The following TOX2 variants were observed in gnomAD, a reference collection of about 807,000 sequenced individuals.
TOX2 encodes TOX high mobility group box family member 2, also known as granulosa cell HMG box 1.
In TOX2, 15 loss-of-function variants were observed where a neutral mutation model predicts 47.4. The ratio of observed to expected loss-of-function variants is 0.32; its 90% CI spans 0.21 to 0.49. The LOEUF is 0.49. TOX2 is among the 20% of genes least tolerant of loss of function. The probability of loss-of-function intolerance (pLI) is 0.99; values close to 1 mark genes in which losing one functional copy is unlikely to be tolerated. For synonymous variants in TOX2, 290 were observed against 296.6 expected, an observed-to-expected ratio of 0.98 and a Z score of 0.23; for missense variants, 622 against 673.1, an observed-to-expected ratio of 0.92 and a Z score of 0.84.
At chr20:44,019,110 GAAA>G (rs754600323) in intron 3 of TOX2, among the ~76,000 whole-genome samples, 1,783 of 152,096 alleles carry the variant, frequency 0.012, 36 homozygotes, top group African/African-American at 0.041. Flanking sequence ...CTGACTGACT[GAAA>G]AATGAATGAA....
At chr20:44,064,344 G>A (rs1271104337) in intron 5 of TOX2, among the ~76,000 whole-genome samples, 1 of 152,100 alleles carries the variant, frequency 6.6e-6, no homozygotes, top group Non-Finnish European at 1.5e-5. Context: ...ATGAACCTAG[G>A]TCTAAAATTT....
intron 1 of TOX2, among the ~76,000 whole-genome samples, chr20:43,959,023 C>G (rs2069714321): frequency 6.6e-6 from 1 of 152,236 alleles, no homozygotes; most frequent in Non-Finnish European, 1.5e-5. Context: ...CCACTGCCCT[C>G]CTGGGTCTCC....
At chr20:44,049,836 G>A (rs2071477404) in intron 3 of TOX2, among the ~76,000 whole-genome samples, 1 of 152,112 alleles carries the variant, frequency 6.6e-6, no homozygotes, top group South Asian at 2.1e-4. Flanking sequence ...CCCTTTTTAT[G>A]ACTGTATAGT....
rs748532417 is a variant in TOX2, at chr20:43,973,354, C to G, written c.100-13C>G. 5.6e-6 allele frequency: 9 copies of G among 1,613,974 alleles called. No homozygotes were observed. The South Asian group carries it at 8.8e-5, about 16-fold the overall frequency. ...TTTAATCAGAGCTGCTTCTCCCTCTCTCTCTATTCTAGTTTGATGGTGACA... is the reference window on the plus strand; with the variant it reads ...TTTAATCAGAGCTGCTTCTCCCTCTGTCTCTATTCTAGTTTGATGGTGACA... On this transcript the variant is annotated splice_polypyrimidine_tract_variant and intron_variant, in intron 1 of 8. Transcript: ENST00000341197.
intron 2 of TOX2, among the ~76,000 whole-genome samples, chr20:44,005,585 A>G (rs1166392457): frequency 6.6e-6 from 1 of 152,232 alleles, no homozygotes; most frequent in African/African-American, 2.4e-5. Flanking sequence ...ATATGTCATG[A>G]CCAAATAGGG....
chr20:44,038,819 C>T (rs371212740), intron 3 of TOX2, among the ~76,000 whole-genome samples: 13 of 152,254 alleles, frequency 8.5e-5, no homozygotes, highest in East Asian at 7.7e-4. Context: ...ACTAAGCACA[C>T]GGGGCTGCTC....
intron 1 of TOX2, among the ~76,000 whole-genome samples, chr20:43,917,564 C>G (rs1286537694): frequency 6.6e-6 from 1 of 152,132 alleles, no homozygotes; most frequent in Non-Finnish European, 1.5e-5. Flanking sequence ...AAGTGATGCC[C>G]GACACCTATG....
At chr20:43,976,784 A>C (rs6031269) in intron 2 of TOX2, among the ~76,000 whole-genome samples, 1 of 128,896 alleles carries the variant, frequency 7.8e-6, no homozygotes, top group Non-Finnish European at 1.6e-5. Context: ...GCGCGCGCGC[A>C]CACACACACA....
rs115595868 is a variant in TOX2, at chr20:43,954,807, G to A, written c.100-18560G>A. Among the ~76,000 whole-genome samples the A allele has an allele frequency of 5.9e-3, 906 of 152,302 alleles. 12 individuals are homozygous for A. The highest frequency in any genetic ancestry group is 0.02 in the African/African-American group (850 of 41,566). ...GATCCACGAGGGTGTGGGGAGAGAC[G>A]TCAGACCTGGGTTTGGATCCCAGCT... is the stretch of plus-strand genomic sequence containing the variant. On this transcript the variant is annotated intron_variant, in intron 1 of 8. Transcript: ENST00000341197.
chr20:43,988,281 G>A (rs1193257558), intron 2 of TOX2, among the ~76,000 whole-genome samples: 1 of 152,204 alleles, frequency 6.6e-6, no homozygotes, highest in Admixed American at 6.5e-5. Context: ...TTGTGATGCT[G>A]TGCTGTGGTG....
At chr20:43,950,352 C>T (rs926122940) in intron 1 of TOX2, among the ~76,000 whole-genome samples, 6 of 152,220 alleles carry the variant, frequency 3.9e-5, no homozygotes, top group Non-Finnish European at 7.3e-5. Flanking sequence ...CGCCTGCCCT[C>T]GCTGGCTCCC....
intron 1 of TOX2, among the ~76,000 whole-genome samples, chr20:43,928,141 G>T (rs2069201598): frequency 6.6e-6 from 1 of 152,194 alleles, no homozygotes; most frequent in African/African-American, 2.4e-5. Context: ...CAAAGGCATA[G>T]AAGGTGCTGA....
intron 5 of TOX2, among the ~76,000 whole-genome samples, chr20:44,055,416 A>G (rs749855038): frequency 6.6e-6 from 1 of 152,176 alleles, no homozygotes; most frequent in Non-Finnish European, 1.5e-5. Context: ...GAGGAGGGGA[A>G]GTGTTCCAGA....
intron 3 of TOX2, among the ~76,000 whole-genome samples, chr20:44,032,536 T>A (rs1366130025): frequency 6.6e-6 from 1 of 151,904 alleles, no homozygotes; most frequent in Non-Finnish European, 1.5e-5. Flanking sequence ...TGGAGGGGAC[T>A]GGAGTTGGGG....
Position 44,054,372 on chromosome 20 carries a change from A to T in TOX2, c.725A>T (p.Asp242Val). 1 of 1,611,478 alleles carries T rather than the reference A, an allele frequency of 6.2e-7. No individual in the cohort carries two copies. Among genetic ancestry groups the T allele is most frequent in the Non-Finnish European group, 8.5e-7 (1 of 1,179,332 alleles). ...AKNPKKKKKK[D>V]PNEPQKPVSA... The stretch of plus-strand genomic sequence containing the variant: ...AACCCGAAGAAGAAGAAAAAGAAGG[A>T]CCCCAATGAGCCGCAGAAGCCTGTG... The change falls in exon 5 of 9, where the codon GAC becomes GTC. Residue 242 changes from aspartate (D) to valine (V), a missense_variant. Physicochemically the swap from Asp to Val is radical, Grantham distance 152. Transcript: ENST00000341197.
At chr20:43,954,663 G>A (rs1213153494) in intron 1 of TOX2, among the ~76,000 whole-genome samples, 2 of 152,190 alleles carry the variant, frequency 1.3e-5, no homozygotes, top group Non-Finnish European at 2.9e-5. Flanking sequence ...GAGTGCCAGT[G>A]ATTTCTCTGG....
intron 1 of TOX2, among the ~76,000 whole-genome samples, chr20:43,935,927 CAA>C (rs58300627): frequency 0.46 from 34,354 of 75,176 alleles, 5,639 homozygotes; most frequent in South Asian, 0.59. Context: ...AACTCCATCC[CAA>C]AAAAAAAAAA....
At chr20:44,004,176 AG>A (rs2070637053) in intron 2 of TOX2, among the ~76,000 whole-genome samples, 1 of 152,194 alleles carries the variant, frequency 6.6e-6, no homozygotes, top group South Asian at 2.1e-4. Context: ...TGAGATGTAG[AG>A]GACACAGGGA....
Position 44,026,209 on chromosome 20 carries a change from G to A in TOX2, c.411+19417G>A, listed in dbSNP as rs192582413. 3.1e-3 allele frequency among the ~76,000 whole-genome samples: 284 copies of A among 91,590 alleles called. 1 individual carries two copies. Among genetic ancestry groups the A allele is most frequent in the Middle Eastern group, 0.014 (2 of 148 alleles). 60.1% of individuals were successfully genotyped at this position (91,590 alleles called of 152,430 possible). ...GAACCAACCCAAATGCCCATCGATCGAGTGGATAAAGAAACTGTGATATAT... is the reference window on the plus strand; with the variant it reads ...GAACCAACCCAAATGCCCATCGATCAAGTGGATAAAGAAACTGTGATATAT... On this transcript the variant is annotated intron_variant, in intron 3 of 8. Transcript: ENST00000341197.
Sources: allele counts gnomAD v4.1 joint callset (sites outside exome capture counted in the v4.1 genomes callset), GRCh38; gene constraint gnomAD v4.1.1; transcripts MANE v1.5; gene names NCBI Gene and HGNC (gene_info 2026-07-23, HGNC 2026-07-21).